LRRC31: variants seen among roughly 807,000 people sequenced by gnomAD.
LRRC31 encodes leucine rich repeat containing 31.
A neutral mutation model predicts 46.7 loss-of-function variants in LRRC31; 35 were observed. That is an observed-to-expected ratio of 0.75 (90% CI 0.57 to 0.99). The LOEUF (loss-of-function observed/expected upper bound fraction) is 0.99, where lower values mean the gene tolerates loss of function less well. Among genes scored for constraint, LRRC31 ranks in the 50% least tolerant of loss-of-function variants. The pLI, the probability that LRRC31 is intolerant of heterozygous loss-of-function variation, is 0.00. For synonymous variants in LRRC31, 236 were observed against 235.1 expected, an observed-to-expected ratio of 1.00 and a Z score of -0.03; for missense variants, 613 against 626.1, an observed-to-expected ratio of 0.98 and a Z score of 0.22.
intron 8 of LRRC31, among the ~76,000 whole-genome samples, chr3:169,847,697 T>C (rs1312717161): frequency 6.6e-6 from 1 of 152,236 alleles, no homozygotes; most frequent in African/African-American, 2.4e-5. Context: ...AAGTGATACC[T>C]GTATTTCAGT....
At chr3:169,850,882 C>G (rs6764267) in intron 7 of LRRC31, among the ~76,000 whole-genome samples, 72,554 of 151,790 alleles carry the variant, frequency 0.48, 18,119 homozygotes, top group East Asian at 0.76. Flanking sequence ...TTTCCAAATC[C>G]ATCACCCAGG....
At chr3:169,844,930 CA>C (rs59099192) in intron 8 of LRRC31, among the ~76,000 whole-genome samples, 14,064 of 99,308 alleles carry the variant, frequency 0.14, 502 homozygotes, top group African/African-American at 0.22. Flanking sequence ...GACTCCATCT[CA>C]AAAAAAAAAA....
chr3:169,866,822 C>G (rs181677111), intron 1 of LRRC31, among the ~76,000 whole-genome samples: 2 of 151,954 alleles, frequency 1.3e-5, no homozygotes, highest in Non-Finnish European at 2.9e-5. Flanking sequence ...ATTAGCTGGG[C>G]ATGGTGGCGG....
At chr3:169,844,465 C>A (rs1560621910) in intron 8 of LRRC31, among the ~76,000 whole-genome samples, 1 of 151,968 alleles carries the variant, frequency 6.6e-6, no homozygotes, top group Admixed American at 6.6e-5. Flanking sequence ...TACAAAAAAA[C>A]CTATAGCTAA....
At chr3:169,868,561 C>A (rs1781399961) in intron 1 of LRRC31, among the ~76,000 whole-genome samples, 1 of 152,130 alleles carries the variant, frequency 6.6e-6, no homozygotes, top group South Asian at 2.1e-4. Context: ...ACATAGCAAG[C>A]ACTCAATAAA....
In LRRC31 at chr3:169,839,510, C is replaced by T. The variant is rs1306133250; in HGVS notation, c.*472G>A. 6.6e-6 allele frequency: 1 copy of T among 151,908 alleles called. No homozygotes were observed. Among genetic ancestry groups the T allele is most frequent in the Admixed American group, 6.6e-5 (1 of 15,222 alleles). 9.4% of individuals were successfully genotyped at this position (151,908 alleles called of 1,614,324 possible). A position where few individuals can be genotyped will look rare whatever the true frequency, so the allele number is the denominator to read the frequency against. On this transcript the variant is annotated 3_prime_UTR_variant, in exon 9 of 9. Coordinates refer to ENST00000316428, the MANE Select transcript of LRRC31 (RefSeq NM_024727.4). ...CATGAAACTATTAGACAGCTAGTGCCTTTCACATTAGAATTACACACACAC... is the reference window on the plus strand; with the variant it reads ...CATGAAACTATTAGACAGCTAGTGCTTTTCACATTAGAATTACACACACAC...
At chr3:169,855,638 AG>A (rs2108214399) in intron 5 of LRRC31, among the ~76,000 whole-genome samples, 2 of 152,342 alleles carry the variant, frequency 1.3e-5, no homozygotes, top group African/African-American at 4.8e-5. Flanking sequence ...CTATATACAG[AG>A]GAGTAAGTTT....
intron 1 of LRRC31, among the ~76,000 whole-genome samples, chr3:169,863,323 T>C (rs1781231726): frequency 1.3e-5 from 2 of 152,214 alleles, no homozygotes; most frequent in Non-Finnish European, 2.9e-5. Flanking sequence ...TATATTGAAA[T>C]CCAATAGGAA....
At chr3:169,848,066 G>A in intron 8 of LRRC31, 54 bp downstream of exon 8, 1 of 1,559,110 alleles carries the variant, frequency 6.4e-7, no homozygotes, top group Non-Finnish European at 8.7e-7. Flanking sequence ...CTTTGCAGGG[G>A]CCGCACCCAC....
chr3:169,856,449 CT>C lies in LRRC31; in HGVS notation c.709del (p.Arg237GlufsTer7), dbSNP rs1358627955. On this transcript the variant is annotated frameshift_variant, in exon 5 of 9. Coordinates refer to ENST00000316428, the MANE Select transcript of LRRC31 (RefSeq NM_024727.4). LOFTEE classifies it high-confidence loss of function. ...SLEVLDLSIN[R>X]DIVGSLNSIA... ...ACTGTTCAGACTGCCAACAATGTCT[CT>C]GTTAATGGAAAGATCAAGTACTTCG... 2 of 1,606,014 alleles carry C rather than the reference CT, an allele frequency of 1.2e-6. No homozygotes were observed. The highest frequency in any genetic ancestry group is 1.7e-6 in the Non-Finnish European group (2 of 1,176,522).
At position 169,861,718 on chromosome 3, in the gene LRRC31, G is replaced by C. The variant is rs766319747; in HGVS notation, c.271C>G (p.Leu91Val). Reference sequence around the variant, plus strand: ...GTTAATCCACAGTTATTCAAATCTAGACACTTGTTGACAGCCTTTTTGCCC... The same window carrying C: ...GTTAATCCACAGTTATTCAAATCTACACACTTGTTGACAGCCTTTTTGCCC... Reference protein sequence around the residue: ...KLGKKAVNKCLDLNNCGLTTA... With the variant: ...KLGKKAVNKCVDLNNCGLTTA... Residue 91 changes from leucine to valine, a missense_variant, in exon 2 of 9, where the codon CTA (leucine) becomes GTA (valine). Coordinates refer to ENST00000316428, the MANE Select transcript of LRRC31 (RefSeq NM_024727.4). 1 of 1,614,096 alleles carries C rather than the reference G, an allele frequency of 6.2e-7. No individual in the cohort carries two copies. Among genetic ancestry groups the C allele is most frequent in the Non-Finnish European group, 8.5e-7 (1 of 1,180,012 alleles).
chr3:169,862,101 A>G (rs1407137332), intron 1 of LRRC31, among the ~76,000 whole-genome samples: 3 of 152,166 alleles, frequency 2.0e-5, no homozygotes, highest in Admixed American at 1.3e-4. Flanking sequence ...CCTGGGTGAG[A>G]AGTAAACCTG....
intron 8 of LRRC31, among the ~76,000 whole-genome samples, chr3:169,840,980 A>G (rs1780430932): frequency 6.6e-6 from 1 of 152,246 alleles, no homozygotes; most frequent in Non-Finnish European, 1.5e-5. Flanking sequence ...TCCCTTTTCA[A>G]CCAAACCCAG....
chr3:169,850,913 C>T (rs1560625105), intron 7 of LRRC31, among the ~76,000 whole-genome samples: 1 of 152,140 alleles, frequency 6.6e-6, no homozygotes, highest in Non-Finnish European at 1.5e-5. Context: ...TTTGTGCACA[C>T]AGTGCTGGGG....
chr3:169,869,057 AATTT>A (rs1781414938), intron 1 of LRRC31, among the ~76,000 whole-genome samples: 1 of 150,778 alleles, frequency 6.6e-6, no homozygotes, highest in African/African-American at 2.4e-5. Context: ...AATGTGCAAT[AATTT>A]ATTGCACATT....
At chr3:169,861,882 A>G in intron 1 of LRRC31, 69 bp from the exon 2 acceptor site, 2 of 1,480,752 alleles carry the variant, frequency 1.4e-6, no homozygotes, top group Non-Finnish European at 1.9e-6. Context: ...AATGACCACA[A>G]TCAGACAAGT....
In LRRC31 at chr3:169,869,777, C is replaced by A; in HGVS notation, c.31G>T (p.Glu11Ter). MSQTRKKTSS[E>*]GETKPQTSTV... ...GAAGTCTGGGGCTTAGTTTCTCCTT[C>A]TGAGGAAGTTTTCTTCCTTGTTTGA... Residue 11 changes from glutamate to a stop codon, truncating the protein, a stop_gained, in exon 1 of 9, where the codon GAA (glutamate) becomes TAA (stop). Coordinates refer to ENST00000316428, the MANE Select transcript of LRRC31 (RefSeq NM_024727.4). LOFTEE classifies it high-confidence loss of function. 1 of 1,612,798 alleles carries A rather than the reference C, an allele frequency of 6.2e-7. No individual in the cohort carries two copies. The highest frequency in any genetic ancestry group is 8.5e-7 in the Non-Finnish European group (1 of 1,179,654).
chr3:169,865,308 C>G (rs1781297442), intron 1 of LRRC31, among the ~76,000 whole-genome samples: 1 of 151,844 alleles, frequency 6.6e-6, no homozygotes. Context: ...CCTTATGTCA[C>G]AGCTCAGTGT....
chr3:169,850,660 C>T (rs1780731778), intron 7 of LRRC31, among the ~76,000 whole-genome samples: 1 of 152,168 alleles, frequency 6.6e-6, no homozygotes, highest in Non-Finnish European at 1.5e-5. Context: ...GCTTCAGTTT[C>T]CTTGTCTGCA....
Sources: allele counts gnomAD v4.1 joint callset (sites outside exome capture counted in the v4.1 genomes callset), GRCh38; gene constraint gnomAD v4.1.1; transcripts MANE v1.5; gene names NCBI Gene and HGNC (gene_info 2026-07-23, HGNC 2026-07-21).